The following RACK1 variants were observed in gnomAD, a reference collection of about 807,000 sequenced individuals.
RACK1 encodes the protein small ribosomal subunit protein RACK1.
A neutral mutation model predicts 42.2 loss-of-function variants in RACK1; 3 were observed. The observed-to-expected ratio is 0.07, with a 90% CI of 0.03 to 0.18. The LOEUF is 0.18. RACK1 is among the 10% of genes least tolerant of loss of function. The pLI is 1.00. For synonymous variants in RACK1, 181 were observed against 154.8 expected, an observed-to-expected ratio of 1.17 and a Z score of -1.25; for missense variants, 146 against 403.2, an observed-to-expected ratio of 0.36 and a Z score of 5.46.
At chr5:181,239,276 A>G (rs2287716) in intron 4 of RACK1, 99 bp from the exon 5 acceptor site, 100,008 of 834,310 alleles carry the variant, frequency 0.12, 6,796 homozygotes, top group Middle Eastern at 0.14. Flanking sequence ...TACGGTAGCC[A>G]TTTCTCATTC....
intron 6 of RACK1, 102 bp from the exon 7 acceptor site, chr5:181,237,821 C>T (rs1049140335): frequency 4.1e-5 from 31 of 755,208 alleles, no homozygotes; most frequent in African/African-American, 3.4e-5. Context: ...GATTTTGCTC[C>T]CTGGGGTCCA....
At chr5:181,243,199 AG>A in intron 1 of RACK1, 3 of 1,121,500 alleles carry the variant, frequency 2.7e-6, no homozygotes, top group Non-Finnish European at 3.6e-6. Flanking sequence ...AAACGCAGTC[AG>A]GAACACAGGG....
At chr5:181,242,453 G>T in intron 1 of RACK1, 108 bp from the exon 2 acceptor site, 2 of 720,508 alleles carry the variant, frequency 2.8e-6, no homozygotes, top group South Asian at 1.7e-5. Flanking sequence ...CAACAACTAA[G>T]GACGCTTAAG....
At chr5:181,239,335 G>A (rs1759257220) in intron 4 of RACK1, 152 bp downstream of exon 4, 2 of 763,044 alleles carry the variant, frequency 2.6e-6, no homozygotes, top group Non-Finnish European at 4.8e-6. Context: ...CATATCCAAT[G>A]CAGTGTGCTG....
Position 181,241,645 on chromosome 5 carries a change from A to G in RACK1, c.282-6T>C, listed in dbSNP as rs1759348335. 6.2e-7 allele frequency: 1 copy of G among 1,613,774 alleles called. No individual in the cohort carries two copies. Among genetic ancestry groups the G allele is most frequent in the Non-Finnish European group, 8.5e-7 (1 of 1,179,916 alleles). ...ATCGCCTCGTGGTGGTGCCCCTGAG[A>G]GGGAGGAGTTTGTCATTCTCAGACT... On this transcript the variant is annotated splice_region_variant and splice_polypyrimidine_tract_variant and intron_variant, in intron 2 of 7. Transcript: ENST00000512805.
chr5:181,241,652 A>G lies in RACK1; in HGVS notation c.282-13T>C, dbSNP rs748086030. On this transcript the variant is annotated splice_polypyrimidine_tract_variant and intron_variant, in intron 2 of 7. Coordinates refer to ENST00000512805, the MANE Select transcript of RACK1 (RefSeq NM_006098.5). ...CGTGGTGGTGCCCCTGAGAGGGAGG[A>G]GTTTGTCATTCTCAGACTTAGCAAA... 6.8e-6 allele frequency: 11 copies of G among 1,613,682 alleles called. No homozygotes were observed. In the South Asian group the frequency reaches 1.1e-4, roughly 16 times the overall value.
chr5:181,241,743 A>C (rs1759353300), intron 2 of RACK1, 104 bp from the exon 3 acceptor site: 5 of 1,272,348 alleles, frequency 3.9e-6, no homozygotes, highest in Middle Eastern at 1.9e-4. Flanking sequence ...TCACTCATAC[A>C]ACCCTGGATT....
chr5:181,240,388 C>T (rs2545094), intron 3 of RACK1: 21,994 of 152,792 alleles, frequency 0.14, 2,829 homozygotes, highest in African/African-American at 0.33. Flanking sequence ...AGGCCGGGCA[C>T]GGTGACTCAC....
intron 6 of RACK1, 164 bp from the exon 7 acceptor site, chr5:181,237,883 G>A: frequency 1.5e-6 from 1 of 660,974 alleles, no homozygotes; most frequent in Non-Finnish European, 2.7e-6. Context: ...AGGATGGTTT[G>A]CTACTGACAT....
At chr5:181,243,232 G>A in intron 1 of RACK1, 2 of 1,321,460 alleles carry the variant, frequency 1.5e-6, no homozygotes, top group Non-Finnish European at 2.0e-6. Flanking sequence ...GAGAACCAGG[G>A]GCAGAAAAAG....
At position 181,243,897 on chromosome 5, in the gene RACK1, T is replaced by C; in HGVS notation, c.-97A>G. ...AACCTCTCCTGCCGCCGCCTTGCAG[T>C]GAAAGAGAGAGAGAAAAGCCCCCCG... is the stretch of plus-strand genomic sequence containing the variant. On this transcript the variant is annotated 5_prime_UTR_variant, in exon 1 of 8. Transcript: ENST00000512805. The C allele has an allele frequency of 2.1e-6, 3 of 1,452,664 alleles. No homozygotes were observed. Among genetic ancestry groups the C allele is most frequent in the Non-Finnish European group, 2.7e-6 (3 of 1,101,636 alleles). The allele number at this position is 1,452,664 out of a possible 1,614,324, so 90.0% of individuals were successfully genotyped here.
chr5:181,243,516 G>C, intron 1 of RACK1, 176 bp downstream of exon 1: 1 of 1,413,858 alleles, frequency 7.1e-7, no homozygotes, highest in Non-Finnish European at 9.5e-7. Context: ...GTTCGCCCGG[G>C]TTGAGGCCTA....
In RACK1 at chr5:181,241,445, C is replaced by CAAAAAAAAAAAAAAAAAAAAAAAAAA. The variant is rs747923720; in HGVS notation, c.429+46_429+47insTTTTTTTTTTTTTTTTTTTTTTTTTT. The CAAAAAAAAAAAAAAAAAAAAAAAAAA allele has an allele frequency of 5.0e-6, 6 of 1,209,750 alleles. No homozygotes were observed. In the African/African-American group the frequency reaches 1.5e-4, roughly 30 times the overall value. The allele number at this position is 1,209,750 out of a possible 1,614,324, so 74.9% of individuals were successfully genotyped here. A position where few individuals can be genotyped will look rare whatever the true frequency, so the allele number is the denominator to read the frequency against. ...TGTCGCCAAAAAAAAAAAAAAAAAG[C>CAAAAAAAAAAAAAAAAAAAAAAAAAA]AAAGTTTAAGAGGGTGGAAGAGATC... On this transcript the variant is annotated intron_variant, in intron 3 of 7. Transcript: ENST00000512805.
chr5:181,237,012 C>A lies in RACK1; in HGVS notation c.919G>T (p.Val307Leu), dbSNP rs749907520. Residue 307 changes from valine to leucine, a missense_variant, in exon 8 of 8, where the codon GTG becomes TTG. Coordinates refer to ENST00000512805, the MANE Select transcript of RACK1 (RefSeq NM_006098.5). ...CCAATGGTCACCTGCCACACTCGCA[C>A]CAGGTTGTCCGTGTAGCCAGCAAAC... ...TLFAGYTDNL[V>L]RVWQVTIGTR is the part of the protein sequence containing the mutation. 5 of 1,614,044 alleles carry A rather than the reference C, an allele frequency of 3.1e-6. No homozygotes were observed. The Admixed American group carries it at 8.3e-5, about 27-fold the overall frequency.
intron 5 of RACK1, 146 bp downstream of exon 5, chr5:181,238,920 GA>G (rs750559077): frequency 1.4e-6 from 1 of 737,674 alleles, no homozygotes; most frequent in Non-Finnish European, 2.5e-6. Context: ...GTAATCTTTG[GA>G]AACATATTCT....
chr5:181,241,930 T>C, intron 2 of RACK1: 1 of 767,382 alleles, frequency 1.3e-6, no homozygotes, highest in East Asian at 2.4e-5. Context: ...GCTTTCAAGG[T>C]AAAACATGTT....
Position 181,241,426 on chromosome 5 carries a change from C to CAAAAAAAAAAAAAAAAAA in RACK1, c.429+65_429+66insTTTTTTTTTTTTTTTTTT, listed in dbSNP as rs57063983. On this transcript the variant is annotated intron_variant, in intron 3 of 7. Coordinates refer to ENST00000512805, the MANE Select transcript of RACK1 (RefSeq NM_006098.5). ...GCTTGGGCAAGAGTGAGACTGTCGC[C>CAAAAAAAAAAAAAAAAAA]AAAAAAAAAAAAAAAAAGCAAAGTT... 479 of 1,074,294 alleles carry CAAAAAAAAAAAAAAAAAA rather than the reference C, an allele frequency of 4.5e-4. 9 individuals are homozygous for CAAAAAAAAAAAAAAAAAA. Among genetic ancestry groups the CAAAAAAAAAAAAAAAAAA allele is most frequent in the South Asian group, 8.7e-4 (52 of 59,936 alleles). 66.5% of individuals were successfully genotyped at this position (1,074,294 alleles called of 1,614,324 possible).
At position 181,237,034 on chromosome 5, in the gene RACK1, A is replaced by G. The variant is rs1759162206; in HGVS notation, c.897T>C (p.Phe299=). The G allele has an allele frequency of 9.3e-6, 15 of 1,614,166 alleles. No homozygotes were observed. The highest frequency in any genetic ancestry group is 1.2e-5 in the Non-Finnish European group (14 of 1,180,024). Reference sequence around the variant, plus strand: ...GCACCAGGTTGTCCGTGTAGCCAGCAAACAGAGTCTGCAGGGAAGAAATGA... The same window carrying G: ...GCACCAGGTTGTCCGTGTAGCCAGCGAACAGAGTCTGCAGGGAAGAAATGA... ...LAWSADGQTL[F]AGYTDNLVRV... The change falls in exon 8 of 8, where the codon TTT becomes TTC. Residue 299 remains phenylalanine, a synonymous_variant. Coordinates refer to ENST00000512805, the MANE Select transcript of RACK1 (RefSeq NM_006098.5).
chr5:181,243,865 G>C lies in RACK1; in HGVS notation c.-65C>G. 9.2e-6 allele frequency: 14 copies of C among 1,523,120 alleles called. No individual in the cohort carries two copies. The highest frequency in any genetic ancestry group is 1.2e-5 in the Non-Finnish European group (14 of 1,131,584). 94.4% of individuals were successfully genotyped at this position (1,523,120 alleles called of 1,614,324 possible). ...GGCACTGGATGGCTTAGAGAAACTAGCACCACAACCTCTCCTGCCGCCGCC... is the reference window on the plus strand; with the variant it reads ...GGCACTGGATGGCTTAGAGAAACTACCACCACAACCTCTCCTGCCGCCGCC... On this transcript the variant is annotated 5_prime_UTR_variant, in exon 1 of 8. Transcript: ENST00000512805.
Sources: gnomAD v4.1 joint callset for allele counts on GRCh38, gnomAD v4.1.1 for gene constraint, MANE v1.5 for transcripts, NCBI Gene and HGNC (gene_info 2026-07-23, HGNC 2026-07-21) for gene names.